The following MKLN1 variants were observed in gnomAD, a reference collection of about 807,000 sequenced individuals.
The protein encoded by MKLN1 is muskelin.
In MKLN1, 18 loss-of-function variants were observed where a neutral mutation model predicts 99.0. The ratio of observed to expected loss-of-function variants is 0.18; its 90% confidence interval spans 0.13 to 0.27. The LOEUF is 0.27. Ranked by LOEUF, MKLN1 falls within the 10% of genes least tolerant of loss-of-function variation. MKLN1 has a pLI of 1.00. For synonymous variants in MKLN1, 288 were observed against 293.2 expected (o/e 0.98, Z 0.18); for missense variants, 621 against 875.9 (o/e 0.71, Z 3.67).
intron 3 of MKLN1, among the ~76,000 whole-genome samples, chr7:131,251,121 G>A (rs10252480): frequency 0.014 from 2,053 of 148,064 alleles, 52 homozygotes; most frequent in African/African-American, 0.047. Context: ...GTGTGTGTGT[G>A]TGTGTACCAT....
intron 3 of MKLN1, among the ~76,000 whole-genome samples, chr7:131,311,829 A>ATT (rs34147407): frequency 5.4e-5 from 8 of 148,286 alleles, no homozygotes; most frequent in East Asian, 2.0e-4. Flanking sequence ...TCTCTTTCCC[A>ATT]TTTTTTTTTT....
At chr7:131,170,148 A>C (rs1333281475) in intron 2 of MKLN1, among the ~76,000 whole-genome samples, 1 of 152,216 alleles carries the variant, frequency 6.6e-6, no homozygotes, top group Non-Finnish European at 1.5e-5. Flanking sequence ...AGACTTGAGG[A>C]GTCATAACAT....
chr7:131,187,824 C>T (rs774339735), intron 2 of MKLN1, among the ~76,000 whole-genome samples: 3 of 152,112 alleles, frequency 2.0e-5, no homozygotes, highest in Non-Finnish European at 2.9e-5. Flanking sequence ...GGCATGGTGG[C>T]GCATGCCTGT....
Position 131,478,689 on chromosome 7 carries a change from A to G in MKLN1, c.2086+12A>G, listed in dbSNP as rs757631328. ...TTTTACAGCTCTGGGTAAGTATTGC[A>G]GTATAATTTATCCAGCTAGATGCCC... On this transcript the variant is annotated intron_variant, in intron 17 of 17. Transcript: ENST00000352689. 4 of 1,605,354 alleles carry G rather than the reference A, an allele frequency of 2.5e-6. No individual in the cohort carries two copies. Among genetic ancestry groups the G allele is most frequent in the Non-Finnish European group, 3.4e-6 (4 of 1,178,418 alleles).
chr7:131,384,357 C>T (rs948396302), intron 2 of MKLN1, among the ~76,000 whole-genome samples: 3 of 151,734 alleles, frequency 2.0e-5, no homozygotes, highest in African/African-American at 7.3e-5. Context: ...AATCCAATGA[C>T]AAGTGTCCTT....
intron 17 of MKLN1, among the ~76,000 whole-genome samples, chr7:131,480,040 A>T (rs998069115): frequency 1.3e-5 from 2 of 150,278 alleles, no homozygotes; most frequent in African/African-American, 4.9e-5. Flanking sequence ...AAAAAAAAAA[A>T]ATACCAAGAC....
At chr7:131,193,906 G>A (rs1158967047) in intron 2 of MKLN1, among the ~76,000 whole-genome samples, 1 of 151,804 alleles carries the variant, frequency 6.6e-6, no homozygotes, top group East Asian at 1.9e-4. Context: ...GGGATTATAA[G>A]CATGAGCCAC....
intron 2 of MKLN1, among the ~76,000 whole-genome samples, chr7:131,383,199 TG>T (rs1226380447): frequency 6.6e-6 from 1 of 152,214 alleles, no homozygotes; most frequent in African/African-American, 2.4e-5. Context: ...TTTCTTAATA[TG>T]GTCACAAATT....
intron 17 of MKLN1, among the ~76,000 whole-genome samples, chr7:131,479,594 A>T (rs1027739481): frequency 5.3e-5 from 8 of 151,966 alleles, no homozygotes; most frequent in Admixed American, 6.6e-5. Context: ...TGGGAGGCTG[A>T]GGCAGGAGGA....
chr7:131,234,744 A>G (rs1233393018), intron 3 of MKLN1, among the ~76,000 whole-genome samples: 1 of 152,160 alleles, frequency 6.6e-6, no homozygotes, highest in Non-Finnish European at 1.5e-5. Context: ...GATCCAAGGA[A>G]CTTTGCTTTT....
intron 16 of MKLN1, among the ~76,000 whole-genome samples, chr7:131,477,876 T>C (rs976814659): frequency 6.6e-6 from 1 of 152,224 alleles, no homozygotes; most frequent in Non-Finnish European, 1.5e-5. Flanking sequence ...TTAACTGGTC[T>C]CTTTTCCTGC....
chr7:131,167,547 C>T (rs1796144069), intron 2 of MKLN1, among the ~76,000 whole-genome samples: 1 of 151,752 alleles, frequency 6.6e-6, no homozygotes. Context: ...TGGCACATAT[C>T]TGTGGTCGCA....
chr7:131,465,304 G>T (rs1033117607), intron 14 of MKLN1, among the ~76,000 whole-genome samples: 5 of 151,896 alleles, frequency 3.3e-5, no homozygotes, highest in Non-Finnish European at 7.4e-5. Context: ...ATAAATTTAG[G>T]CAGTTATACC....
At chr7:131,172,594 C>G (rs556823840) in intron 2 of MKLN1, among the ~76,000 whole-genome samples, 7 of 152,140 alleles carry the variant, frequency 4.6e-5, no homozygotes, top group Admixed American at 2.0e-4. Context: ...GGATTACAGG[C>G]GTGAGCCACC....
At chr7:131,329,592 TC>T (rs1422050102) in intron 1 of MKLN1, among the ~76,000 whole-genome samples, 6 of 152,204 alleles carry the variant, frequency 3.9e-5, no homozygotes, top group African/African-American at 1.4e-4. Context: ...GAGACATTTT[TC>T]TGGTCTTGAA....
rs186173824 is a variant in MKLN1, at chr7:131,496,457, A to G, written c.*8729A>G. 3.3e-5 allele frequency: 5 copies of G among 151,718 alleles called. No homozygotes were observed. In the East Asian group the frequency reaches 9.7e-4, roughly 29 times the overall value. The allele number at this position is 151,718 out of a possible 1,614,324, so 9.4% of individuals were successfully genotyped here. A position where few individuals can be genotyped will look rare whatever the true frequency, so the allele number is the denominator to read the frequency against. On this transcript the variant is annotated 3_prime_UTR_variant, in exon 18 of 18. Transcript: ENST00000352689. ...CTTTTTAGGATTTTTTTTTTCTTAT[A>G]GTACAAATAATTTTCAGATCCCAGC...
intron 3 of MKLN1, among the ~76,000 whole-genome samples, chr7:131,276,410 A>G (rs914327425): frequency 6.6e-6 from 1 of 152,178 alleles, no homozygotes; most frequent in African/African-American, 2.4e-5. Context: ...TCTGTTCTAG[A>G]TGGGAAAGCA....
chr7:131,374,415 G>C (rs1437191295), intron 1 of MKLN1, among the ~76,000 whole-genome samples: 1 of 152,102 alleles, frequency 6.6e-6, no homozygotes. Context: ...GTAAACACAA[G>C]TTTGCACTGA....
intron 3 of MKLN1, among the ~76,000 whole-genome samples, chr7:131,288,675 G>T (rs1404783982): frequency 1.3e-5 from 2 of 152,164 alleles, no homozygotes; most frequent in African/African-American, 2.4e-5. Flanking sequence ...GGGTTATCTT[G>T]TGGGCCCTTC....
Sources: allele counts gnomAD v4.1 joint callset (sites outside exome capture counted in the v4.1 genomes callset), GRCh38; gene constraint gnomAD v4.1.1; transcripts MANE v1.5; gene names NCBI Gene and HGNC (gene_info 2026-07-23, HGNC 2026-07-21).